GNAQ: variants seen among roughly 807,000 people sequenced by gnomAD.
GNAQ encodes guanine nucleotide-binding protein G(q) subunit alpha.
Under a neutral mutation model 43.9 loss-of-function variants are expected in GNAQ, and 8 were observed. The ratio of observed to expected loss-of-function variants is 0.18; its 90% confidence interval spans 0.11 to 0.33. GNAQ has a LOEUF of 0.33. Ranked by LOEUF, GNAQ falls within the 10% of genes least tolerant of loss-of-function variation. The probability of loss-of-function intolerance (pLI) is 1.00; values close to 1 mark genes in which losing one functional copy is unlikely to be tolerated. For missense variants in GNAQ, 158 were observed against 450.8 expected, an observed-to-expected ratio of 0.35 and a Z score of 5.88; for synonymous variants, 155 against 170.7, an observed-to-expected ratio of 0.91 and a Z score of 0.71.
chr9:77,910,910 T>G (rs981212466), intron 2 of GNAQ, among the ~76,000 whole-genome samples: 1 of 152,218 alleles, frequency 6.6e-6, no homozygotes, highest in Non-Finnish European at 1.5e-5. Context: ...AAGTTGTGTA[T>G]GACTCCAGTA....
At chr9:77,914,793 C>T (rs1485707711) in intron 2 of GNAQ, among the ~76,000 whole-genome samples, 1 of 119,802 alleles carries the variant, frequency 8.3e-6, no homozygotes, top group East Asian at 2.6e-4. Context: ...CTGTCACCCA[C>T]AAAAACCTTC....
At chr9:77,761,472 C>T (rs1235320918) in intron 5 of GNAQ, among the ~76,000 whole-genome samples, 1 of 136,784 alleles carries the variant, frequency 7.3e-6, no homozygotes. Context: ...CCCCGCCTGG[C>T]CAGTCGCCCA....
chr9:77,873,912 C>A (rs1188402615), intron 2 of GNAQ, among the ~76,000 whole-genome samples: 1 of 152,000 alleles, frequency 6.6e-6, no homozygotes, highest in East Asian at 1.9e-4. Context: ...TCCAGACCAG[C>A]CTGGCCAACA....
intron 2 of GNAQ, among the ~76,000 whole-genome samples, chr9:77,904,885 A>AAC (rs374079699): frequency 2.6e-5 from 4 of 151,932 alleles, no homozygotes; most frequent in Non-Finnish European, 4.4e-5. Flanking sequence ...CACACGAAGA[A>AAC]ACACACACAC....
intron 2 of GNAQ, among the ~76,000 whole-genome samples, chr9:77,834,758 CT>C (rs1279886850): frequency 1.3e-5 from 2 of 152,144 alleles, no homozygotes; most frequent in Non-Finnish European, 2.9e-5. Context: ...AACTTTCTTC[CT>C]GTGTACATGG....
chr9:77,934,684 G>C lies in GNAQ; in HGVS notation c.137-12339C>G, dbSNP rs538660073. Among the ~76,000 whole-genome samples, 4 of 152,304 alleles carry C rather than the reference G, an allele frequency of 2.6e-5. No homozygotes were observed. The East Asian group carries it at 7.7e-4, about 29-fold the overall frequency. ...AAGGACTTATATATGTTCCAAGTGT[G>C]CCTAATACGCATACAACCACAAAAG... On this transcript the variant is annotated intron_variant, in intron 1 of 6. Coordinates refer to ENST00000286548, the MANE Select transcript of GNAQ (RefSeq NM_002072.5).
intron 1 of GNAQ, among the ~76,000 whole-genome samples, chr9:78,023,377 A>G (rs1203162395): frequency 6.6e-6 from 1 of 152,212 alleles, no homozygotes; most frequent in Admixed American, 6.5e-5. Flanking sequence ...AATCGTATGC[A>G]AATGTGCAAG....
At chr9:77,983,905 T>G (rs1241336774) in intron 1 of GNAQ, among the ~76,000 whole-genome samples, 1 of 151,922 alleles carries the variant, frequency 6.6e-6, no homozygotes, top group African/African-American at 2.4e-5. Flanking sequence ...TTTACCGAGA[T>G]CCTACTGTGT....
At chr9:77,737,800 G>C (rs1449961019) in intron 5 of GNAQ, among the ~76,000 whole-genome samples, 2 of 152,170 alleles carry the variant, frequency 1.3e-5, no homozygotes, top group African/African-American at 4.8e-5. Flanking sequence ...TGTGTCAAGA[G>C]CACAAAGGTA....
At chr9:77,784,349 A>G (rs137876078) in intron 5 of GNAQ, among the ~76,000 whole-genome samples, 2 of 152,142 alleles carry the variant, frequency 1.3e-5, no homozygotes, top group Non-Finnish European at 2.9e-5. Context: ...ATATATTTCA[A>G]TTTTCCCCAG....
intron 5 of GNAQ, among the ~76,000 whole-genome samples, chr9:77,775,622 C>T (rs1357624884): frequency 6.6e-6 from 1 of 151,772 alleles, no homozygotes; most frequent in African/African-American, 2.4e-5. Flanking sequence ...ACCATGGTCT[C>T]GATCTCTTGA....
chr9:77,901,516 C>T (rs1356733776), intron 2 of GNAQ, among the ~76,000 whole-genome samples: 3 of 152,180 alleles, frequency 2.0e-5, no homozygotes, highest in Non-Finnish European at 2.9e-5. Context: ...CTGGCAGAGC[C>T]GTCCTGCCTC....
In GNAQ at chr9:78,005,008, A is replaced by T. The variant is rs545272809; in HGVS notation, c.136+26092T>A. Among the ~76,000 whole-genome samples the T allele has an allele frequency of 2.0e-5, 3 of 152,244 alleles. No homozygotes were observed. The South Asian group carries it at 6.2e-4, about 32-fold the overall frequency. ...TAAACATATCTGGCCTTTATTTCAC[A>T]ATGAATGCAATGTAATTAATGGTTT... is the stretch of plus-strand genomic sequence containing the variant. On this transcript the variant is annotated intron_variant, in intron 1 of 6. Transcript: ENST00000286548.
At chr9:77,890,798 G>A (rs1243817842) in intron 2 of GNAQ, among the ~76,000 whole-genome samples, 1 of 152,180 alleles carries the variant, frequency 6.6e-6, no homozygotes, top group Non-Finnish European at 1.5e-5. Context: ...AGGATACTTA[G>A]TTTTCAATCA....
At chr9:77,989,923 A>G (rs1170975381) in intron 1 of GNAQ, among the ~76,000 whole-genome samples, 5 of 152,218 alleles carry the variant, frequency 3.3e-5, no homozygotes, top group Admixed American at 2.0e-4. Flanking sequence ...CCTTTTCATC[A>G]TAAGTGTAAT....
At chr9:78,025,092 C>A (rs1461930837) in intron 1 of GNAQ, among the ~76,000 whole-genome samples, 1 of 151,968 alleles carries the variant, frequency 6.6e-6, no homozygotes, top group African/African-American at 2.4e-5. Context: ...TTTTTAAAGC[C>A]CAAATTCATG....
intron 3 of GNAQ, among the ~76,000 whole-genome samples, chr9:77,813,184 C>T (rs1587928238): frequency 6.6e-6 from 1 of 152,332 alleles, no homozygotes; most frequent in South Asian, 2.1e-4. Flanking sequence ...TCCCAAAGTG[C>T]TGGGATTACA....
chr9:77,975,065 G>C (rs892412770), intron 1 of GNAQ, among the ~76,000 whole-genome samples: 1 of 152,078 alleles, frequency 6.6e-6, no homozygotes, highest in Non-Finnish European at 1.5e-5. Flanking sequence ...GTCTTGTATT[G>C]TGTCTTTACC....
At chr9:77,990,891 T>A (rs1927963) in intron 1 of GNAQ, among the ~76,000 whole-genome samples, 46,488 of 152,042 alleles carry the variant, frequency 0.31, 7,359 homozygotes, top group South Asian at 0.43. Context: ...CTAAGAATGC[T>A]TTCCTTGTGT....
Sources: gnomAD v4.1 joint callset for allele counts (sites outside exome capture counted in the v4.1 genomes callset) on GRCh38, gnomAD v4.1.1 for gene constraint, MANE v1.5 for transcripts, NCBI Gene and HGNC (gene_info 2026-07-23, HGNC 2026-07-21) for gene names.